KIAA1549: variants seen among roughly 807,000 people sequenced by gnomAD.
KIAA1549 encodes the protein UPF0606 protein KIAA1549.
KIAA1549 carries 70 observed loss-of-function variants against 156.4 expected under a neutral mutation model. The ratio of observed to expected loss-of-function variants is 0.45; its 90% CI spans 0.37 to 0.55. The LOEUF is 0.55. KIAA1549 is among the 20% of genes least tolerant of loss of function. KIAA1549 has a pLI of 0.00. For missense variants in KIAA1549, 2,428 were observed against 2,540.9 expected (o/e 0.96, Z 0.96); for synonymous variants, 1,103 against 1,066.4 (o/e 1.03, Z -0.67).
chr7:138,967,495 G>C (rs1429781447), intron 1 of KIAA1549, among the ~76,000 whole-genome samples: 4 of 152,108 alleles, frequency 2.6e-5, no homozygotes, highest in Non-Finnish European at 5.9e-5. Flanking sequence ...TTTATAATCA[G>C]GAAAAAGCCA....
intron 1 of KIAA1549, among the ~76,000 whole-genome samples, chr7:138,943,878 T>C (rs1174017603): frequency 6.6e-6 from 1 of 151,580 alleles, no homozygotes; most frequent in Non-Finnish European, 1.5e-5. Flanking sequence ...AAAAAATGCA[T>C]TACCTCACAT....
Position 138,879,725 on chromosome 7 carries a change from TG to T in KIAA1549, c.4230-73del, listed in dbSNP as rs2130403080. ...AAAAGGAAAAAGTCCCATTAATTTG[TG>T]TGTGGAAGTCAGGCTTCCAGGCAAA... On this transcript the variant is annotated intron_variant, in intron 11 of 19. Coordinates refer to ENST00000422774, the MANE Select transcript of KIAA1549 (RefSeq NM_001164665.2). 5.9e-6 allele frequency: 6 copies of T among 1,021,578 alleles called. No homozygotes were observed. In the South Asian group the frequency reaches 9.3e-5, roughly 16 times the overall value. The allele number at this position is 1,021,578 out of a possible 1,614,324, so 63.3% of individuals were successfully genotyped here.
In KIAA1549 at chr7:138,837,987, C is replaced by A. The variant is rs748810208; in HGVS notation, c.5772G>T (p.Ser1924=). ...CGCGGATTGCTTTGATGAGAGAGGC[C>A]GAGGAGTGGCCAGGCTGGAGGTCTT... ...STEDLQPGHS[S]ASLIKAIREE... Residue 1924 remains serine (S), a synonymous_variant, in exon 20 of 20, where the codon TCG becomes TCT. Coordinates refer to ENST00000422774, the MANE Select transcript of KIAA1549 (RefSeq NM_001164665.2). The A allele has an allele frequency of 6.2e-7, 1 of 1,613,322 alleles. No homozygotes were observed. Among genetic ancestry groups the A allele is most frequent in the Non-Finnish European group, 8.5e-7 (1 of 1,179,704 alleles).
chr7:138,937,162 G>A (rs1245752906), intron 1 of KIAA1549, among the ~76,000 whole-genome samples: 3 of 151,410 alleles, frequency 2.0e-5, no homozygotes, highest in Non-Finnish European at 2.9e-5. Context: ...CCAGCTATTC[G>A]ACGTGCTCTC....
intron 1 of KIAA1549, among the ~76,000 whole-genome samples, chr7:138,941,144 G>T (rs556669419): frequency 2.0e-5 from 3 of 152,070 alleles, no homozygotes; most frequent in African/African-American, 7.2e-5. Flanking sequence ...TAATAATTTG[G>T]GGTCTGGAAC....
At chr7:138,861,076 G>A in intron 16 of KIAA1549, 63 bp downstream of exon 16, 1 of 1,529,616 alleles carries the variant, frequency 6.5e-7, no homozygotes, top group South Asian at 1.1e-5. Context: ...TGAAAGTCAG[G>A]CAGTCAGGCA....
intron 1 of KIAA1549, among the ~76,000 whole-genome samples, chr7:138,941,373 G>A (rs1012221320): frequency 2.0e-5 from 3 of 152,144 alleles, no homozygotes; most frequent in Non-Finnish European, 4.4e-5. Flanking sequence ...TAAGAAGGAG[G>A]GAAGGAGGAA....
rs569471397 is a variant in KIAA1549, at chr7:138,927,661, C to T, written c.188-8223G>A. On this transcript the variant is annotated intron_variant, in intron 1 of 19. Transcript: ENST00000422774. ...TAAAAAAATAAAAAAAGAATGCAAT[C>T]GCAGATCAGAGGATATGTTCACCTG... Among the ~76,000 whole-genome samples, 3 of 152,212 alleles carry T rather than the reference C, an allele frequency of 2.0e-5. No homozygotes were observed. The East Asian group carries it at 5.8e-4, about 29-fold the overall frequency.
intron 1 of KIAA1549, among the ~76,000 whole-genome samples, chr7:138,951,618 T>C (rs2774971): frequency 0.5 from 76,133 of 151,922 alleles, 23,275 homozygotes; most frequent in African/African-American, 0.88. Flanking sequence ...GCTTTCCCCA[T>C]AAAACTAGTG....
chr7:138,867,063 A>G (rs1810767432), intron 15 of KIAA1549, among the ~76,000 whole-genome samples: 1 of 152,164 alleles, frequency 6.6e-6, no homozygotes, highest in Non-Finnish European at 1.5e-5. Flanking sequence ...TCAGCCTCCC[A>G]AAGTGCTGGC....
At chr7:138,924,140 C>A (rs1008219318) in intron 1 of KIAA1549, among the ~76,000 whole-genome samples, 1 of 150,902 alleles carries the variant, frequency 6.6e-6, no homozygotes, top group African/African-American at 2.4e-5. Context: ...AAACACGATA[C>A]TTATTATGAC....
chr7:138,848,960 T>G (rs1810160096), intron 17 of KIAA1549, among the ~76,000 whole-genome samples: 1 of 152,184 alleles, frequency 6.6e-6, no homozygotes, highest in Non-Finnish European at 1.5e-5. Flanking sequence ...TTCAAACGCC[T>G]GAGCTTAAGC....
At chr7:138,919,556 T>C (rs1342785014) in intron 1 of KIAA1549, 118 bp from the exon 2 acceptor site, 1 of 1,480,998 alleles carries the variant, frequency 6.8e-7, no homozygotes, top group South Asian at 1.4e-5. Context: ...TAAATATCCA[T>C]GAATCACCGT....
At chr7:138,881,301 A>G (rs1472115767) in intron 11 of KIAA1549, 87 bp downstream of exon 11, 4 of 1,332,862 alleles carry the variant, frequency 3.0e-6, no homozygotes, top group Non-Finnish European at 4.2e-6. Context: ...TGCGCTCACC[A>G]TCAGCCCCTG....
chr7:138,887,089 T>A (rs1352835247), intron 10 of KIAA1549, among the ~76,000 whole-genome samples: 2 of 152,112 alleles, frequency 1.3e-5, no homozygotes, highest in Admixed American at 1.3e-4. Context: ...CATATTTTTT[T>A]ATTACAGATG....
chr7:138,839,210 A>C (rs1584978271), intron 19 of KIAA1549, among the ~76,000 whole-genome samples: 1 of 152,198 alleles, frequency 6.6e-6, no homozygotes, highest in African/African-American at 2.4e-5. Context: ...AAAGGAATTG[A>C]GTGTGTCTGT....
chr7:138,835,337 C>G lies in KIAA1549; in HGVS notation c.*2569G>C. On this transcript the variant is annotated 3_prime_UTR_variant, in exon 20 of 20. Transcript: ENST00000422774. Reference sequence around the variant, plus strand: ...GATCCGGGGGCCTGCTCACACCACACCATAACCACCGGCTGTTTATTATAC... The same window carrying G: ...GATCCGGGGGCCTGCTCACACCACAGCATAACCACCGGCTGTTTATTATAC... The G allele has an allele frequency of 4.7e-6, 1 of 214,748 alleles. No homozygotes were observed. Among genetic ancestry groups the G allele is most frequent in the Non-Finnish European group, 9.4e-6 (1 of 106,336 alleles). The allele number at this position is 214,748 out of a possible 1,614,324, so 13.3% of individuals were successfully genotyped here. A position where few individuals can be genotyped will look rare whatever the true frequency, so the allele number is the denominator to read the frequency against.
intron 4 of KIAA1549, among the ~76,000 whole-genome samples, chr7:138,910,223 T>C (rs1364978534): frequency 6.6e-6 from 1 of 151,958 alleles, no homozygotes; most frequent in Non-Finnish European, 1.5e-5. Context: ...AAATTTCCCA[T>C]AATTATAAAC....
In KIAA1549 at chr7:138,835,750, C is replaced by T. The variant is rs2130313964; in HGVS notation, c.*2156G>A. On this transcript the variant is annotated 3_prime_UTR_variant, in exon 20 of 20. Transcript: ENST00000422774. ...ATTTGGGAGGAGTCGGGTATTAAAC[C>T]AAGACCAAGAGAAATTTGGTATTAA... The T allele has an allele frequency of 4.5e-6, 1 of 219,818 alleles. No individual in the cohort carries two copies. Among genetic ancestry groups the T allele is most frequent in the South Asian group, 1.9e-4 (1 of 5,396 alleles). The allele number at this position is 219,818 out of a possible 1,614,324, so 13.6% of individuals were successfully genotyped here.
Sources: allele counts gnomAD v4.1 joint callset (sites outside exome capture counted in the v4.1 genomes callset), GRCh38; gene constraint gnomAD v4.1.1; transcripts MANE v1.5; gene names NCBI Gene and HGNC (gene_info 2026-07-23, HGNC 2026-07-21).